The following RNF213 variants were observed in gnomAD, a reference collection of about 807,000 sequenced individuals.
The protein encoded by RNF213 is E3 ubiquitin-protein ligase RNF213.
Under a neutral mutation model 514.4 loss-of-function variants are expected in RNF213, and 341 were observed. The observed-to-expected ratio is 0.66, with a 90% CI of 0.61 to 0.73. The LOEUF is 0.73. Ranked by LOEUF, RNF213 falls within the 30% of genes least tolerant of loss-of-function variation. The probability of loss-of-function intolerance (pLI) is 0.00; values close to 1 mark genes in which losing one functional copy is unlikely to be tolerated. For missense variants in RNF213, 5,767 were observed against 6,615.6 expected, an observed-to-expected ratio of 0.87 and a Z score of 4.45; for synonymous variants, 2,655 against 2,658.2, an observed-to-expected ratio of 1.00 and a Z score of 0.04.
chr17:80,314,246 ACTGGAGGTG>A (rs2143715192), intron 15 of RNF213, among the ~76,000 whole-genome samples: 1 of 50,936 alleles, frequency 2.0e-5, no homozygotes, highest in East Asian at 8.9e-4. Flanking sequence ...TGGTGGAGGT[ACTGGAGGTG>A]ATGGTGGTAA....
chr17:80,367,604 A>G (rs1229436447), intron 42 of RNF213, 144 bp from the exon 43 acceptor site: 1 of 674,302 alleles, frequency 1.5e-6, no homozygotes, highest in Non-Finnish European at 2.7e-6. Context: ...CAAGCGTTAA[A>G]CACAGGATCA....
rs546346306 is a variant in RNF213 at position 80,346,086 on chromosome 17, A to C, written c.7751A>C (p.Gln2584Pro). ...SLIPLVWDFGQLSDVAEKLYI... is the reference protein window; with the variant it reads ...SLIPLVWDFGPLSDVAEKLYI... ...ATTCCTCTGGTGTGGGACTTTGGAC[A>C]ACTGAGTGACGTTGCTGAAAAGCTC... is the stretch of plus-strand genomic sequence containing the variant. Residue 2584 changes from glutamine (Q) to proline (P), a missense_variant, in exon 29 of 68, where the codon CAA (glutamine) becomes CCA (proline). Physicochemically the swap from Gln to Pro is moderately conservative, Grantham distance 76 (BLOSUM62 -1). Around this residue, in one of 13 missense-constraint regions of RNF213, gnomAD observed 1,377 missense variants for 1,635.2 expected, o/e 0.84. Coordinates refer to ENST00000582970, the MANE Select transcript of RNF213 (RefSeq NM_001256071.3). This position sits in a 1 kb window ranked among gnomAD's most constrained non-coding sequence, Gnocchi z 8.1. 63 of 1,614,184 alleles carry C rather than the reference A, an allele frequency of 3.9e-5. No individual in the cohort carries two copies. Among genetic ancestry groups the C allele is most frequent in the Non-Finnish European group, 5.0e-5 (59 of 1,180,036 alleles).
Position 80,263,005 on chromosome 17 carries a change from A to G in RNF213, c.-108-569A>G, listed in dbSNP as rs4889968. Among the ~76,000 whole-genome samples the G allele has an allele frequency of 0.11, 16,216 of 152,188 alleles. 1,616 individuals carry two copies. The highest frequency in any genetic ancestry group is 0.25 in the African/African-American group (10,523 of 41,516). ...GGAGAGAGTCAGGTCCTCCACTGTTAGGTGGCCAAGCGCCCAAACGCCATC... is the reference window on the plus strand; with the variant it reads ...GGAGAGAGTCAGGTCCTCCACTGTTGGGTGGCCAAGCGCCCAAACGCCATC... On this transcript the variant is annotated intron_variant, in intron 1 of 67. Transcript: ENST00000582970. The surrounding 1 kb of genome is among the most constrained non-coding windows in gnomAD (Gnocchi z 4.9).
intron 3 of RNF213, among the ~76,000 whole-genome samples, chr17:80,275,950 C>A (rs1598898442): frequency 6.6e-6 from 1 of 151,412 alleles, no homozygotes; most frequent in Non-Finnish European, 1.5e-5. Flanking sequence ...GCGTGAGCCA[C>A]CATGCCTGGC....
At chr17:80,387,707 A>T (rs1391068789) in intron 63 of RNF213, among the ~76,000 whole-genome samples, 3 of 152,020 alleles carry the variant, frequency 2.0e-5, no homozygotes, top group Admixed American at 6.6e-5. Flanking sequence ...TAAAGCCGAC[A>T]CTCTGTTGTC....
In RNF213 at chr17:80,324,594, G is replaced by A. The variant is rs143072652; in HGVS notation, c.3025-436G>A. Among the ~76,000 whole-genome samples, 326 of 152,076 alleles carry A rather than the reference G, an allele frequency of 2.1e-3. 1 individual carries two copies. The highest frequency in any genetic ancestry group is 7.5e-3 in the African/African-American group (313 of 41,490). On this transcript the variant is annotated intron_variant, in intron 17 of 67. Transcript: ENST00000582970. ...TAAAGGAAGAAAAATATTGTTTCTC[G>A]GAGGAGAATTAAAAAGAGAATTAAA...
rs374285445 is a variant in RNF213 at position 80,317,134 on chromosome 17, G to A, written c.2812-54G>A. 3.2e-5 allele frequency: 50 copies of A among 1,557,132 alleles called. No homozygotes were observed. The highest frequency in any genetic ancestry group is 4.2e-5 in the Non-Finnish European group (48 of 1,137,946). Reference sequence around the variant, plus strand: ...TCTGTCTTTCTCCTTTCATGGGAGTGTGCCGTGGCATTTAGTCGTGAGAGT... The same window carrying A: ...TCTGTCTTTCTCCTTTCATGGGAGTATGCCGTGGCATTTAGTCGTGAGAGT... On this transcript the variant is annotated intron_variant, in intron 15 of 67. Coordinates refer to ENST00000582970, the MANE Select transcript of RNF213 (RefSeq NM_001256071.3). The surrounding 1 kb of genome is among the most constrained non-coding windows in gnomAD (Gnocchi z 4.1).
At chr17:80,268,626 TCCA>T (rs2043692459) in intron 2 of RNF213, among the ~76,000 whole-genome samples, 1 of 124,060 alleles carries the variant, frequency 8.1e-6, no homozygotes, top group Non-Finnish European at 1.6e-5. Context: ...CATCCATCCA[TCCA>T]TCCATCCGTT....
In RNF213 at chr17:80,263,648, C is replaced by T. The variant is rs1301697516; in HGVS notation, c.-34C>T. On this transcript the variant is annotated 5_prime_UTR_variant, in exon 2 of 68. Coordinates refer to ENST00000582970, the MANE Select transcript of RNF213 (RefSeq NM_001256071.3). This position sits in a 1 kb window ranked among gnomAD's most constrained non-coding sequence, Gnocchi z 4.9. ...AGGCTGCCAGCGACTCCTGCTCTTGCTTCTGGATCTGCAGGGCAGTCCCAG... is the reference window on the plus strand; with the variant it reads ...AGGCTGCCAGCGACTCCTGCTCTTGTTTCTGGATCTGCAGGGCAGTCCCAG... 9 of 1,583,690 alleles carry T rather than the reference C, an allele frequency of 5.7e-6. No individual in the cohort carries two copies. The highest frequency in any genetic ancestry group is 3.3e-5 in the Admixed American group (2 of 59,974).
chr17:80,375,352 G>C (rs2079704130), intron 50 of RNF213, among the ~76,000 whole-genome samples: 1 of 152,196 alleles, frequency 6.6e-6, no homozygotes, highest in Non-Finnish European at 1.5e-5. Context: ...TGAGGGCTGA[G>C]GCATGTGAAA....
chr17:80,304,255 G>T (rs1462627417), intron 11 of RNF213, among the ~76,000 whole-genome samples: 2 of 151,874 alleles, frequency 1.3e-5, no homozygotes, highest in African/African-American at 4.8e-5. Context: ...CAACATTTTG[G>T]GTCTCCAGTA....
At chr17:80,342,655 A>G (rs1244438577) in intron 26 of RNF213, among the ~76,000 whole-genome samples, 2 of 146,730 alleles carry the variant, frequency 1.4e-5, no homozygotes, top group African/African-American at 5.0e-5. Context: ...ATATTTTTAC[A>G]TATATAATAT....
Position 80,364,390 on chromosome 17 carries a change from G to T in RNF213, c.11751-43G>T, listed in dbSNP as rs373932677. ...CCTCGTTTCACCCTTGGGTTCCTTG[G>T]TGGGAGCCGAGTGAGTGAGTGAGTG... On this transcript the variant is annotated intron_variant, in intron 41 of 67. Coordinates refer to ENST00000582970, the MANE Select transcript of RNF213 (RefSeq NM_001256071.3). 1.8e-5 allele frequency: 29 copies of T among 1,613,390 alleles called. No homozygotes were observed. In the African/African-American group the frequency reaches 3.7e-4, roughly 21 times the overall value.
intron 8 of RNF213, among the ~76,000 whole-genome samples, chr17:80,293,277 G>T (rs997151363): frequency 5.3e-5 from 8 of 151,718 alleles, no homozygotes; most frequent in African/African-American, 1.9e-4. Flanking sequence ...GCCCAGTCTG[G>T]TCTCGAACTC....
chr17:80,376,440 C>T lies in RNF213; in HGVS notation c.13325C>T (p.Thr4442Met), dbSNP rs1393960283. The change falls in exon 52 of 68, where the codon ACG becomes ATG. Residue 4442 changes from threonine (T) to methionine (M), a missense_variant. Physicochemically the swap from Thr to Met is moderately conservative, Grantham distance 81 (BLOSUM62 -1). Around this residue, in one of 13 missense-constraint regions of RNF213, gnomAD observed 1,245 missense variants for 1,339.0 expected, o/e 0.93. Coordinates refer to ENST00000582970, the MANE Select transcript of RNF213 (RefSeq NM_001256071.3). ...CCTAGTGACAGCAACCTTGATGGAA[C>T]GGTGACAGAAATGGCCATTCATGCT... ...AGPSDSNLDG[T>M]VTEMAIHAAA... 1.4e-5 allele frequency: 23 copies of T among 1,614,064 alleles called. No homozygotes were observed. The highest frequency in any genetic ancestry group is 8.3e-5 in the Admixed American group (5 of 59,996).
chr17:80,350,033 T>C, intron 30 of RNF213, 127 bp downstream of exon 30: 1 of 1,080,802 alleles, frequency 9.3e-7, no homozygotes, highest in Non-Finnish European at 1.4e-6. Flanking sequence ...TAGATCCTTG[T>C]TAAATCTCTC....
At chr17:80,351,190 A>G (rs921259845) in intron 31 of RNF213, among the ~76,000 whole-genome samples, 2 of 152,236 alleles carry the variant, frequency 1.3e-5, no homozygotes, top group Non-Finnish European at 2.9e-5. Flanking sequence ...CTTTGTTGAA[A>G]TGGAAAGGTC....
chr17:80,356,147 A>AC (rs1192582439), intron 36 of RNF213, among the ~76,000 whole-genome samples: 1 of 151,976 alleles, frequency 6.6e-6, no homozygotes, highest in African/African-American at 2.4e-5. Flanking sequence ...GACTATAGGC[A>AC]CCCACCACCA....
In RNF213 at chr17:80,379,660, A is replaced by G; in HGVS notation, c.13586A>G (p.His4529Arg). ...PMEQSICIDCHAPIGGIDHKP... is the reference protein window; with the variant it reads ...PMEQSICIDCRAPIGGIDHKP... ...GAACAGAGCATCTGCATTGACTGCC[A>G]TGCGCCGATTGGAGGCATTGACCAC... Residue 4529 changes from histidine (H) to arginine (R), a missense_variant, in exon 55 of 68, where the codon CAT (histidine) becomes CGT (arginine). His to Arg is a conservative substitution (Grantham distance 29). This residue lies in a region of RNF213 where 1,245 missense variants were observed against 1,339.0 expected (regional missense o/e 0.93). Transcript: ENST00000582970. 1.2e-6 allele frequency: 2 copies of G among 1,614,248 alleles called. No homozygotes were observed. Among genetic ancestry groups the G allele is most frequent in the Non-Finnish European group, 1.7e-6 (2 of 1,180,042 alleles).
Sources: gnomAD v4.1 joint callset for allele counts (sites outside exome capture counted in the v4.1 genomes callset) on GRCh38, gnomAD v4.1.1 for gene constraint, gnomAD v4.1.1 regional missense constraint, Gnocchi (gnomAD v3.1) non-coding constraint, MANE v1.5 for transcripts, NCBI Gene and HGNC (gene_info 2026-07-23, HGNC 2026-07-21) for gene names.